Variants in ZNF292 observed in about 807,000 individuals in gnomAD.
ZNF292 encodes the protein 16 zinc-finger domain protein.
ZNF292 carries 26 observed loss-of-function variants against 217.9 expected under a neutral mutation model. The ratio of observed to expected loss-of-function variants is 0.12; its 90% CI spans 0.09 to 0.17. The LOEUF is 0.17. Among genes scored for constraint, ZNF292 ranks in the 10% least tolerant of loss-of-function variants. The pLI is 1.00. For synonymous variants in ZNF292, 1,257 were observed against 1,124.1 expected, an observed-to-expected ratio of 1.12 and a Z score of -2.37; for missense variants, 2,904 against 3,175.2, an observed-to-expected ratio of 0.91 and a Z score of 2.05.
rs1223767275 is a variant in ZNF292, at chr6:87,261,842, TAA to T, written c.*43_*44del. On this transcript the variant is annotated 3_prime_UTR_variant, in exon 8 of 8. Coordinates refer to ENST00000369577, the MANE Select transcript of ZNF292 (RefSeq NM_015021.3). ...AAATACATCATTTACCATTTTATTTTAAATAGGAAGCCATCAAGCATGCTAGA... is the reference window on the plus strand; with the variant it reads ...AAATACATCATTTACCATTTTATTTTATAGGAAGCCATCAAGCATGCTAGA... 5.3e-6 allele frequency: 7 copies of T among 1,320,468 alleles called. No individual in the cohort carries two copies. Among genetic ancestry groups the T allele is most frequent in the Non-Finnish European group, 7.1e-6 (7 of 985,430 alleles). The allele number at this position is 1,320,468 out of a possible 1,614,324, so 81.8% of individuals were successfully genotyped here. A position where few individuals can be genotyped will look rare whatever the true frequency, so the allele number is the denominator to read the frequency against.
rs1240945605 is a variant in ZNF292 at position 87,181,557 on chromosome 6, A to G, written c.168+25798A>G. On this transcript the variant is annotated intron_variant, in intron 1 of 7. Coordinates refer to ENST00000369577, the MANE Select transcript of ZNF292 (RefSeq NM_015021.3). ...GGAATGGCTGTCCTCTTTTAGGGCC[A>G]CTGGTCTTCAGACTTGAGTGTGGGG... is the stretch of plus-strand genomic sequence containing the variant. Among the ~76,000 whole-genome samples, 4 of 152,196 alleles carry G rather than the reference A, an allele frequency of 2.6e-5. No individual in the cohort carries two copies. The East Asian group carries it at 7.7e-4, about 29-fold the overall frequency.
Position 87,212,779 on chromosome 6 carries a change from A to G in ZNF292, c.169-3124A>G, listed in dbSNP as rs1377063734. ...GGTTTTAATTGCTCTAATCAAAATC[A>G]CCATGCAAGAGAATGTTTTCATTTC... On this transcript the variant is annotated intron_variant, in intron 1 of 7. Transcript: ENST00000369577. Among the ~76,000 whole-genome samples the G allele has an allele frequency of 3.9e-5, 6 of 152,362 alleles. No individual in the cohort carries two copies. In the South Asian group the frequency reaches 1.0e-3, roughly 26 times the overall value.
intron 1 of ZNF292, among the ~76,000 whole-genome samples, chr6:87,184,127 T>G (rs1401659277): frequency 1.3e-5 from 2 of 152,248 alleles, no homozygotes; most frequent in Non-Finnish European, 2.9e-5. Flanking sequence ...TAGAACTCTC[T>G]AAACCTTTAT....
intron 1 of ZNF292, among the ~76,000 whole-genome samples, chr6:87,199,417 A>T (rs1772046415): frequency 6.6e-6 from 1 of 151,956 alleles, no homozygotes; most frequent in Non-Finnish European, 1.5e-5. Flanking sequence ...ATTTATAAAC[A>T]TTTTTTTCTC....
chr6:87,216,150 C>A (rs1191333778), intron 2 of ZNF292, 93 bp downstream of exon 2: 6 of 1,134,542 alleles, frequency 5.3e-6, no homozygotes, highest in Non-Finnish European at 7.4e-6. Flanking sequence ...CACACACACA[C>A]ACACACAACA....
intron 1 of ZNF292, among the ~76,000 whole-genome samples, chr6:87,181,688 TG>T (rs1363115974): frequency 6.1e-5 from 9 of 147,410 alleles, no homozygotes; most frequent in Non-Finnish European, 1.0e-4. Context: ...TTTTTTGTTT[TG>T]TTTTTTTTTT....
At position 87,238,500 on chromosome 6, in the gene ZNF292, A is replaced by AT. The variant is rs762268062; in HGVS notation, c.741+4973_741+4974insT. 2.7e-4 allele frequency among the ~76,000 whole-genome samples: 41 copies of AT among 151,250 alleles called. 1 individual carries two copies. The highest frequency in any genetic ancestry group is 5.6e-4 in the Non-Finnish European group (38 of 67,798). ...GTCTCCATCTCAAAAAAAAAAAAAAAGTAAGCTAATGATAGTAATAACATT... is the reference window on the plus strand; with the variant it reads ...GTCTCCATCTCAAAAAAAAAAAAAAATGTAAGCTAATGATAGTAATAACATT... On this transcript the variant is annotated intron_variant, in intron 5 of 7. Transcript: ENST00000369577.
intron 1 of ZNF292, among the ~76,000 whole-genome samples, chr6:87,194,307 C>A (rs1771898355): frequency 6.6e-6 from 1 of 151,320 alleles, no homozygotes; most frequent in Non-Finnish European, 1.5e-5. Context: ...ATGCTGTTTA[C>A]AAGCACTTTT....
chr6:87,212,873 C>T (rs1301299195), intron 1 of ZNF292, among the ~76,000 whole-genome samples: 3 of 152,158 alleles, frequency 2.0e-5, no homozygotes, highest in Non-Finnish European at 4.4e-5. Flanking sequence ...GAGAGTATAA[C>T]CATTTCAGAT....
chr6:87,224,192 A>G (rs938006629), intron 4 of ZNF292, among the ~76,000 whole-genome samples: 1 of 152,106 alleles, frequency 6.6e-6, no homozygotes, highest in Non-Finnish European at 1.5e-5. Flanking sequence ...TTCTCCACTC[A>G]TTTCCAAAGT....
chr6:87,256,123 A>G lies in ZNF292; in HGVS notation c.2494A>G (p.Ser832Gly). 6.2e-7 allele frequency: 1 copy of G among 1,613,710 alleles called. No homozygotes were observed. Among genetic ancestry groups the G allele is most frequent in the Non-Finnish European group, 8.5e-7 (1 of 1,179,786 alleles). ...GCTGGAAAAGCATCTGGATGATCAC[A>G]GTACTCCTCCTGAAAAAGTGCTGCC... ...GELEKHLDDH[S>G]TPPEKVLPPE... Residue 832 changes from serine (S) to glycine (G), a missense_variant, in exon 8 of 8, where the codon AGT becomes GGT. By Grantham distance (56) the Ser-to-Gly change is moderately conservative. Coordinates refer to ENST00000369577, the MANE Select transcript of ZNF292 (RefSeq NM_015021.3).
intron 1 of ZNF292, among the ~76,000 whole-genome samples, chr6:87,176,411 G>C (rs1209513222): frequency 1.3e-5 from 2 of 152,186 alleles, no homozygotes; most frequent in African/African-American, 4.8e-5. Context: ...CAGAGATAAG[G>C]ACATTTCCTT....
chr6:87,251,254 A>C (rs1052409058), intron 7 of ZNF292, among the ~76,000 whole-genome samples: 1 of 152,210 alleles, frequency 6.6e-6, no homozygotes, highest in Non-Finnish European at 1.5e-5. Flanking sequence ...TAAGGTTTAT[A>C]TTTCATTCTG....
chr6:87,257,670 T>C lies in ZNF292; in HGVS notation c.4041T>C (p.Arg1347=). Residue 1347 remains arginine (R), a synonymous_variant, in exon 8 of 8, where the codon CGT becomes CGC. Coordinates refer to ENST00000369577, the MANE Select transcript of ZNF292 (RefSeq NM_015021.3). ...CACCTGAAAAAGTTAAAAAAGACCG[T>C]GGGCGGGGCCCAAATGGGAAGGAAA... The part of the protein sequence containing the change: ...QSAPEKVKKD[R]GRGPNGKERK... 1 of 1,611,382 alleles carries C rather than the reference T, an allele frequency of 6.2e-7. No homozygotes were observed.
In ZNF292 at chr6:87,262,484, T is replaced by C. The variant is rs1775655652; in HGVS notation, c.*683T>C. 6.6e-6 allele frequency: 1 copy of C among 151,622 alleles called. No individual in the cohort carries two copies. Among genetic ancestry groups the C allele is most frequent in the South Asian group, 2.1e-4 (1 of 4,828 alleles). The allele number at this position is 151,622 out of a possible 1,614,324, so 9.4% of individuals were successfully genotyped here. A position where few individuals can be genotyped will look rare whatever the true frequency, so the allele number is the denominator to read the frequency against. The stretch of plus-strand genomic sequence containing the variant: ...GGTATTCATGTGAAATTAAAGCAGA[T>C]TCTCTAGCAGTTTCCTATAGCTACA... On this transcript the variant is annotated 3_prime_UTR_variant, in exon 8 of 8. Coordinates refer to ENST00000369577, the MANE Select transcript of ZNF292 (RefSeq NM_015021.3).
At chr6:87,209,283 G>C (rs1772383136) in intron 1 of ZNF292, among the ~76,000 whole-genome samples, 1 of 152,052 alleles carries the variant, frequency 6.6e-6, no homozygotes, top group Non-Finnish European at 1.5e-5. Context: ...CAGCTTTTAA[G>C]ATTTTATTTC....
intron 1 of ZNF292, among the ~76,000 whole-genome samples, chr6:87,157,323 T>C (rs924700718): frequency 3.9e-5 from 6 of 152,234 alleles, no homozygotes; most frequent in Non-Finnish European, 5.9e-5. Context: ...TAAAAATTGT[T>C]GAAATTTCTC....
intron 2 of ZNF292, 92 bp downstream of exon 2, chr6:87,216,149 ACACAC>A (rs2127802773): frequency 1.7e-6 from 2 of 1,188,412 alleles, no homozygotes; most frequent in African/African-American, 1.7e-5. Flanking sequence ...ACACACACAC[ACACAC>A]ACAACATTAA....
At chr6:87,203,133 C>CTTT (rs67229216) in intron 1 of ZNF292, among the ~76,000 whole-genome samples, 3 of 116,230 alleles carry the variant, frequency 2.6e-5, no homozygotes, top group Admixed American at 1.9e-4. Context: ...ATATATTTTC[C>CTTT]TTTTTTTTTT....
Sources: allele counts gnomAD v4.1 joint callset (sites outside exome capture counted in the v4.1 genomes callset), GRCh38; gene constraint gnomAD v4.1.1; transcripts MANE v1.5; gene names NCBI Gene and HGNC (gene_info 2026-07-23, HGNC 2026-07-21).